ZZZ3: variants seen among roughly 807,000 people sequenced by gnomAD.
ZZZ3 encodes zinc finger ZZ-type containing 3.
A neutral mutation model predicts 95.2 loss-of-function variants in ZZZ3; 22 were observed. The ratio of observed to expected loss-of-function variants is 0.23; its 90% CI spans 0.17 to 0.33. The LOEUF (loss-of-function observed/expected upper bound fraction) is 0.33. ZZZ3 is among the 10% of genes least tolerant of loss of function. The pLI is 1.00. For missense variants in ZZZ3, 885 were observed against 1,066.5 expected, an observed-to-expected ratio of 0.83 and a Z score of 2.37; for synonymous variants, 335 against 358.9, an observed-to-expected ratio of 0.93 and a Z score of 0.75.
At chr1:77,599,341 C>T (rs1664516653) in intron 5 of ZZZ3, among the ~76,000 whole-genome samples, 1 of 151,764 alleles carries the variant, frequency 6.6e-6, no homozygotes, top group African/African-American at 2.4e-5. Context: ...ACTCATTCCA[C>T]AAATATTTAT....
intron 6 of ZZZ3, among the ~76,000 whole-genome samples, chr1:77,583,827 G>A (rs1662779202): frequency 6.6e-6 from 1 of 151,876 alleles, no homozygotes; most frequent in South Asian, 2.1e-4. Context: ...AACAATTAGT[G>A]GGTCCCTATT....
chr1:77,632,953 A>G lies in ZZZ3; in HGVS notation c.402T>C (p.Asp134=), dbSNP rs143045936. The change falls in exon 5 of 15, where the codon GAT becomes GAC. Residue 134 remains aspartate (D), a synonymous_variant. Transcript: ENST00000370801. Reference sequence around the variant, plus strand: ...ACTCCTTGTCTGATTTTATAGGAGAATCTTCTTCTGAACTGTTTGGTGCTT... The same window carrying G: ...ACTCCTTGTCTGATTTTATAGGAGAGTCTTCTTCTGAACTGTTTGGTGCTT... ...RSEAPNSSEE[D]SPIKSDKESV... 108 of 1,614,150 alleles carry G rather than the reference A, an allele frequency of 6.7e-5. 1 individual carries two copies. In the African/African-American group the frequency reaches 1.4e-3, roughly 20 times the overall value.
chr1:77,639,392 A>AC, intron 4 of ZZZ3, 57 bp downstream of exon 4: 1 of 1,414,670 alleles, frequency 7.1e-7, no homozygotes, highest in South Asian at 1.5e-5. Flanking sequence ...CAAAAAAAAA[A>AC]AAGAAGAAGA....
intron 1 of ZZZ3, among the ~76,000 whole-genome samples, chr1:77,670,866 A>G (rs936435262): frequency 6.6e-6 from 1 of 151,988 alleles, no homozygotes; most frequent in South Asian, 2.1e-4. Flanking sequence ...AAAAACTACA[A>G]CCTTATACAA....
chr1:77,579,872 G>C (rs1296757849), intron 9 of ZZZ3: 2 of 239,816 alleles, frequency 8.3e-6, no homozygotes, highest in Non-Finnish European at 1.6e-5. Flanking sequence ...ATTCACATAA[G>C]TAAAAATATC....
At position 77,639,555 on chromosome 1, in the gene ZZZ3, A is replaced by G; in HGVS notation, c.-158T>C. 2 of 1,091,254 alleles carry G rather than the reference A, an allele frequency of 1.8e-6. No individual in the cohort carries two copies. Among genetic ancestry groups the G allele is most frequent in the Admixed American group, 6.9e-5 (2 of 29,130 alleles). 67.6% of individuals were successfully genotyped at this position (1,091,254 alleles called of 1,614,324 possible). A position where few individuals can be genotyped will look rare whatever the true frequency, so the allele number is the denominator to read the frequency against. On this transcript the variant is annotated 5_prime_UTR_variant, in exon 4 of 15. Coordinates refer to ENST00000370801, the MANE Select transcript of ZZZ3 (RefSeq NM_015534.6). ...TGGAGCTTAAGCATCAGGGTTTCAG[A>G]CTCTCTCAGCTTCAGCCATGAAGAA... is the stretch of plus-strand genomic sequence containing the variant.
At chr1:77,660,190 C>T (rs899542371) in intron 1 of ZZZ3, among the ~76,000 whole-genome samples, 1 of 152,064 alleles carries the variant, frequency 6.6e-6, no homozygotes, top group Non-Finnish European at 1.5e-5. Context: ...AGGTAAGTTA[C>T]TTCTCCCCTC....
chr1:77,638,360 T>C (rs889244462), intron 4 of ZZZ3, among the ~76,000 whole-genome samples: 6 of 152,176 alleles, frequency 3.9e-5, no homozygotes, highest in Admixed American at 3.3e-4. Context: ...AAAAACACTC[T>C]TTGAAGCATT....
chr1:77,592,559 C>A (rs1043495006), intron 5 of ZZZ3, among the ~76,000 whole-genome samples: 1 of 152,112 alleles, frequency 6.6e-6, no homozygotes, highest in East Asian at 1.9e-4. Context: ...ACCCCGGCCT[C>A]CCAAAGTGTT....
In ZZZ3 at chr1:77,565,308, T is replaced by TGG. The variant is rs1267884811; in HGVS notation, c.*331_*332insCC. The TGG allele has an allele frequency of 5.1e-6, 1 of 196,288 alleles. No individual in the cohort carries two copies. Among genetic ancestry groups the TGG allele is most frequent in the Non-Finnish European group, 1.0e-5 (1 of 97,730 alleles). The allele number at this position is 196,288 out of a possible 1,614,324, so 12.2% of individuals were successfully genotyped here. A position where few individuals can be genotyped will look rare whatever the true frequency, so the allele number is the denominator to read the frequency against. On this transcript the variant is annotated 3_prime_UTR_variant, in exon 15 of 15. Transcript: ENST00000370801. ...TAAATACTTTGTCTTCTCATTATCA[T>TGG]ATTTATGACCAAGTTCTTTGAAACC... is the stretch of plus-strand genomic sequence containing the variant.
chr1:77,598,393 G>A (rs948100579), intron 5 of ZZZ3, among the ~76,000 whole-genome samples: 1 of 152,074 alleles, frequency 6.6e-6, no homozygotes, highest in Non-Finnish European at 1.5e-5. Flanking sequence ...AAGAGGAGGG[G>A]TTGGTCTTGC....
At position 77,564,021 on chromosome 1, in the gene ZZZ3, A is replaced by C. The variant is rs1309467488; in HGVS notation, c.*1619T>G. ...AATGTTCCCTTGATTTAAAATAGGA[A>C]AAAACAGGTGATTCTAAAAATTGGG... On this transcript the variant is annotated 3_prime_UTR_variant, in exon 15 of 15. Transcript: ENST00000370801. The C allele has an allele frequency of 6.6e-6, 1 of 152,160 alleles. No individual in the cohort carries two copies. Among genetic ancestry groups the C allele is most frequent in the East Asian group, 1.9e-4 (1 of 5,200 alleles). 9.4% of individuals were successfully genotyped at this position (152,160 alleles called of 1,614,324 possible). A position where few individuals can be genotyped will look rare whatever the true frequency, so the allele number is the denominator to read the frequency against.
chr1:77,678,490 T>C (rs1217497678), intron 1 of ZZZ3, among the ~76,000 whole-genome samples: 4 of 152,180 alleles, frequency 2.6e-5, no homozygotes, highest in Admixed American at 2.0e-4. Context: ...TCCTTAAACA[T>C]AGTACACAGA....
intron 1 of ZZZ3, among the ~76,000 whole-genome samples, chr1:77,661,158 G>A (rs1670746252): frequency 6.6e-6 from 1 of 152,024 alleles, no homozygotes; most frequent in African/African-American, 2.4e-5. Context: ...GCTCATGCCT[G>A]TAATCCCAGC....
At chr1:77,565,835 G>A in intron 14 of ZZZ3, 51 bp from the exon 15 acceptor site, 1 of 1,544,218 alleles carries the variant, frequency 6.5e-7, no homozygotes, top group Non-Finnish European at 8.8e-7. Flanking sequence ...ATGCATTTTA[G>A]TCTGTGTATT....
At chr1:77,633,856 T>A (rs1668049495) in intron 4 of ZZZ3, among the ~76,000 whole-genome samples, 1 of 152,212 alleles carries the variant, frequency 6.6e-6, no homozygotes. Context: ...CCTAAAGATG[T>A]GATTTCATTT....
intron 1 of ZZZ3, chr1:77,645,253 A>C (rs1472011601): frequency 1.3e-5 from 2 of 152,220 alleles, no homozygotes; most frequent in Admixed American, 1.3e-4. Flanking sequence ...TTAATCAATT[A>C]ATTAAAAGAA....
intron 5 of ZZZ3, among the ~76,000 whole-genome samples, chr1:77,606,507 T>C (rs1665247670): frequency 6.6e-6 from 1 of 151,702 alleles, no homozygotes; most frequent in Non-Finnish European, 1.5e-5. Flanking sequence ...TGTAGCCAGG[T>C]AGTGGATATA....
At position 77,632,308 on chromosome 1, in the gene ZZZ3, G is replaced by T; in HGVS notation, c.1047C>A (p.Ser349=). 6.2e-7 allele frequency: 1 copy of T among 1,614,114 alleles called. No homozygotes were observed. The highest frequency in any genetic ancestry group is 8.5e-7 in the Non-Finnish European group (1 of 1,180,014). Reference sequence around the variant, plus strand: ...GAACAGGAGATGGTTCAGGTTCTCCGGAGGCTGGCATACTCTCAAGACTTG... The same window carrying T: ...GAACAGGAGATGGTTCAGGTTCTCCTGAGGCTGGCATACTCTCAAGACTTG... ...LDTSLESMPA[S]GEPEPSPVLD... Residue 349 remains serine, a synonymous_variant, in exon 5 of 15, where the codon TCC becomes TCA. Transcript: ENST00000370801.
Sources: allele counts gnomAD v4.1 joint callset (sites outside exome capture counted in the v4.1 genomes callset), GRCh38; gene constraint gnomAD v4.1.1; transcripts MANE v1.5; gene names NCBI Gene and HGNC (gene_info 2026-07-23, HGNC 2026-07-21).